The following GRM8 variants were observed in gnomAD, a reference collection of about 807,000 sequenced individuals.
GRM8 encodes the protein metabotropic glutamate receptor 8.
In GRM8, 47 loss-of-function variants were observed where a neutral mutation model predicts 87.2. The ratio of observed to expected loss-of-function variants is 0.54; its 90% CI spans 0.43 to 0.69. The LOEUF is 0.69. Among genes scored for constraint, GRM8 ranks in the 30% least tolerant of loss-of-function variants. GRM8 has a pLI of 0.00. For synonymous variants in GRM8, 396 were observed against 404.5 expected (o/e 0.98, Z 0.25); for missense variants, 1,019 against 1,139.2 (o/e 0.89, Z 1.52).
At chr7:126,849,587 C>A (rs1049731865) in intron 6 of GRM8, among the ~76,000 whole-genome samples, 3 of 152,038 alleles carry the variant, frequency 2.0e-5, no homozygotes, top group African/African-American at 7.2e-5. Context: ...TTCCCTAAAC[C>A]CCCATCTACT....
intron 7 of GRM8, among the ~76,000 whole-genome samples, chr7:126,643,253 T>A (rs1802603604): frequency 7.6e-6 from 1 of 130,880 alleles, no homozygotes; most frequent in African/African-American, 3.0e-5. Context: ...ATTGTGCCAC[T>A]GTACTCCAGC....
At chr7:126,456,519 TAAAAAAAAA>T (rs513) in intron 9 of GRM8, among the ~76,000 whole-genome samples, 2,074 of 69,734 alleles carry the variant, frequency 0.03, 56 homozygotes, top group Middle Eastern at 0.067. Context: ...AGCAGCAAGC[TAAAAAAAAA>T]AAAAAAAAAA....
intron 8 of GRM8, among the ~76,000 whole-genome samples, chr7:126,559,834 A>G (rs1427412456): frequency 6.7e-6 from 1 of 148,570 alleles, no homozygotes; most frequent in African/African-American, 2.6e-5. Flanking sequence ...AAGAATAGTG[A>G]GTTTACTGCC....
chr7:127,175,846 T>C (rs1435585025), intron 2 of GRM8, among the ~76,000 whole-genome samples: 1 of 152,132 alleles, frequency 6.6e-6, no homozygotes, highest in Admixed American at 6.6e-5. Context: ...AGAAATTTTT[T>C]AAAAAACATT....
chr7:126,803,261 G>T (rs1391847585), intron 6 of GRM8, among the ~76,000 whole-genome samples: 11 of 152,166 alleles, frequency 7.2e-5, no homozygotes, highest in Admixed American at 7.2e-4. Context: ...CTACCAGCAG[G>T]TGGCAATATT....
intron 3 of GRM8, among the ~76,000 whole-genome samples, chr7:127,028,588 C>T (rs908691389): frequency 3.9e-5 from 6 of 152,070 alleles, no homozygotes; most frequent in African/African-American, 1.2e-4. Context: ...AGGAATTTAT[C>T]GATTTCTTCT....
At chr7:126,759,189 G>A (rs1159459639) in intron 7 of GRM8, among the ~76,000 whole-genome samples, 1 of 151,870 alleles carries the variant, frequency 6.6e-6, no homozygotes, top group Non-Finnish European at 1.5e-5. Context: ...AAGCCACAGC[G>A]CCCAGCCCCT....
Position 127,150,201 on chromosome 7 carries a change from G to A in GRM8, c.511-43489C>T, listed in dbSNP as rs533611348. Among the ~76,000 whole-genome samples, 16 of 152,046 alleles carry A rather than the reference G, an allele frequency of 1.1e-4. No individual in the cohort carries two copies. The Middle Eastern group carries it at 0.014, about 129-fold the overall frequency. ...TATTTCCCTTGCCTCAATGAAACAG[G>A]AAAGAAGACAGGCATAGAATGGAGG... is the stretch of plus-strand genomic sequence containing the variant. On this transcript the variant is annotated intron_variant, in intron 2 of 10. Transcript: ENST00000339582.
intron 2 of GRM8, among the ~76,000 whole-genome samples, chr7:127,163,335 T>C (rs1409186755): frequency 6.6e-6 from 1 of 152,056 alleles, no homozygotes; most frequent in East Asian, 1.9e-4. Context: ...GAAAGACAAA[T>C]TGAGTTACGT....
intron 9 of GRM8, among the ~76,000 whole-genome samples, chr7:126,473,464 A>G (rs1293519817): frequency 6.6e-6 from 1 of 152,174 alleles, no homozygotes; most frequent in Admixed American, 6.5e-5. Flanking sequence ...GTATTTACCC[A>G]ATGCCGGTAC....
At chr7:126,970,987 CA>C (rs1185143394) in intron 3 of GRM8, among the ~76,000 whole-genome samples, 3 of 151,720 alleles carry the variant, frequency 2.0e-5, no homozygotes, top group Non-Finnish European at 4.4e-5. Flanking sequence ...TAAACAATCA[CA>C]ATAGTAACAT....
intron 9 of GRM8, among the ~76,000 whole-genome samples, chr7:126,520,433 C>G (rs941998040): frequency 6.6e-6 from 1 of 151,906 alleles, no homozygotes; most frequent in African/African-American, 2.4e-5. Context: ...TGTTTTAGTT[C>G]ACATTTTTGA....
At chr7:126,680,271 A>G (rs1340355573) in intron 7 of GRM8, among the ~76,000 whole-genome samples, 1 of 152,198 alleles carries the variant, frequency 6.6e-6, no homozygotes, top group South Asian at 2.1e-4. Flanking sequence ...AGGTGAGAAT[A>G]TAAGCTCACC....
intron 3 of GRM8, among the ~76,000 whole-genome samples, chr7:127,009,342 A>G (rs1245409422): frequency 6.6e-6 from 1 of 152,186 alleles, no homozygotes; most frequent in Non-Finnish European, 1.5e-5. Flanking sequence ...AATTTTGATC[A>G]TTTATACCTA....
chr7:126,637,211 G>A (rs12673189), intron 7 of GRM8, among the ~76,000 whole-genome samples: 46,767 of 151,834 alleles, frequency 0.31, 8,073 homozygotes, highest in East Asian at 0.43. Flanking sequence ...CATGACACCA[G>A]AAATCTATTT....
In GRM8 at chr7:127,243,038, G is replaced by C. The variant is rs765205820; in HGVS notation, c.167C>G (p.Ala56Gly). ...IILGGLFPVHAKGERGVPCGE... is the reference protein window; with the variant it reads ...IILGGLFPVHGKGERGVPCGE... ...ACAAGGCACCCCTCTCTCTCCCTTT[G>C]CGTGGACAGGGAAGAGACCCCCCAA... The change falls in exon 2 of 11, where the codon GCA (alanine) becomes GGA (glycine). Residue 56 changes from alanine (A) to glycine (G), a missense_variant. Coordinates refer to ENST00000339582, the MANE Select transcript of GRM8 (RefSeq NM_000845.3). The C allele has an allele frequency of 4.4e-5, 71 of 1,613,408 alleles. 2 individuals are homozygous for C. The South Asian group carries it at 7.7e-4, about 17-fold the overall frequency.
chr7:126,723,443 A>G (rs2151461355), intron 7 of GRM8, among the ~76,000 whole-genome samples: 1 of 152,272 alleles, frequency 6.6e-6, no homozygotes, highest in South Asian at 2.1e-4. Context: ...GATCTGGAAT[A>G]AAGAATGAAT....
intron 3 of GRM8, among the ~76,000 whole-genome samples, chr7:127,064,188 C>G (rs1417951047): frequency 1.3e-5 from 2 of 152,074 alleles, no homozygotes; most frequent in Admixed American, 1.3e-4. Flanking sequence ...TGTTAATTTT[C>G]TGCCTTGATG....
chr7:126,488,194 G>T lies in GRM8; in HGVS notation c.2431-41822C>A, dbSNP rs139404465. On this transcript the variant is annotated intron_variant, in intron 9 of 10. Transcript: ENST00000339582. ...GGACAGAAAAAAAAACAAAAAACAG[G>T]AAGTTCATGGTAGCGAAGAACAGAA... Among the ~76,000 whole-genome samples, 67 of 152,026 alleles carry T rather than the reference G, an allele frequency of 4.4e-4. 1 individual carries two copies. Among genetic ancestry groups the T allele is most frequent in the African/African-American group, 1.5e-3 (62 of 41,488 alleles).
Sources: allele counts gnomAD v4.1 joint callset (sites outside exome capture counted in the v4.1 genomes callset), GRCh38; gene constraint gnomAD v4.1.1; transcripts MANE v1.5; gene names NCBI Gene and HGNC (gene_info 2026-07-23, HGNC 2026-07-21).